The following PCDH12 variants were observed in gnomAD, a reference collection of about 807,000 sequenced individuals.
PCDH12 encodes the protein protocadherin 12, also known as protocadherin-12.
A neutral mutation model predicts 70.9 loss-of-function variants in PCDH12; 45 were observed. The observed-to-expected ratio is 0.63, with a 90% confidence interval of 0.50 to 0.81. The LOEUF (loss-of-function observed/expected upper bound fraction) is 0.81, where lower values mean the gene tolerates loss of function less well. PCDH12 is among the 40% of genes least tolerant of loss of function. PCDH12 has a pLI of 0.00. For synonymous variants in PCDH12, 567 were observed against 626.0 expected, an observed-to-expected ratio of 0.91 and a Z score of 1.41; for missense variants, 1,370 against 1,491.7, an observed-to-expected ratio of 0.92 and a Z score of 1.34.
rs367840034 is a variant in PCDH12 at position 141,956,427 on chromosome 5, G to T, written c.1425C>A (p.Pro475=). 2 of 1,614,248 alleles carry T rather than the reference G, an allele frequency of 1.2e-6. No individual in the cohort carries two copies. Among genetic ancestry groups the T allele is most frequent in the Admixed American group, 1.7e-5 (1 of 60,032 alleles). Reference sequence around the variant, plus strand: ...CCTTGATGGTAATGAGGTGAAGAGAGGGTAAGTTGTTTTCCCGCGTGGAGA... The same window carrying T: ...CCTTGATGGTAATGAGGTGAAGAGATGGTAAGTTGTTTTCCCGCGTGGAGA... The part of the protein sequence containing the change: ...YEVSTRENNL[P]SLHLITIKAH... Residue 475 remains proline (P), a synonymous_variant, in exon 1 of 4, where the codon CCC becomes CCA. Transcript: ENST00000231484.
At chr5:141,945,901 A>C (rs1259194786) in intron 3 of PCDH12, 96 bp from the exon 4 acceptor site, 2 of 1,130,096 alleles carry the variant, frequency 1.8e-6, no homozygotes, top group Non-Finnish European at 2.6e-6. Flanking sequence ...CAGTGGACAA[A>C]GGAGGGAAGG....
In PCDH12 at chr5:141,956,786, A is replaced by G. The variant is rs748294504; in HGVS notation, c.1066T>C (p.Trp356Arg). Residue 356 changes from tryptophan to arginine, a missense_variant, in exon 1 of 4, where the codon TGG becomes CGG. Transcript: ENST00000231484. Reference protein sequence around the residue: ...NDNIPSIHVTWASQPSLVSEA... With the variant: ...NDNIPSIHVTRASQPSLVSEA... ...GACACCAGTGATGGCTGGGAGGCCC[A>G]TGTGACGTGGATGCTTGGGATGTTG... 22 of 1,614,156 alleles carry G rather than the reference A, an allele frequency of 1.4e-5. No homozygotes were observed. The Admixed American group carries it at 3.2e-4, about 23-fold the overall frequency.
In PCDH12 at chr5:141,945,604, G is replaced by A. The variant is rs763342132; in HGVS notation, c.3332C>T (p.Ser1111Leu). The change falls in exon 4 of 4, where the codon TCG becomes TTG. Residue 1111 changes from serine (S) to leucine (L), a missense_variant. Ser to Leu is a moderately radical substitution (Grantham distance 145). Transcript: ENST00000231484. ...TGTRLASTFV[S>L]EMSSLLEMLL... ...CATCTCCAGCAGTGAGCTCATCTCCGAGACAAAGGTGCTGGCCAGCCTCGT... is the reference window on the plus strand; with the variant it reads ...CATCTCCAGCAGTGAGCTCATCTCCAAGACAAAGGTGCTGGCCAGCCTCGT... 41 of 1,614,098 alleles carry A rather than the reference G, an allele frequency of 2.5e-5. No individual in the cohort carries two copies. The highest frequency in any genetic ancestry group is 2.2e-4 in the East Asian group (10 of 44,898).
At position 141,944,050 on chromosome 5, in the gene PCDH12, CA is replaced by C. The variant is rs1308025883; in HGVS notation, c.*1330del. The C allele has an allele frequency of 1.3e-5, 2 of 152,028 alleles. No individual in the cohort carries two copies. Among genetic ancestry groups the C allele is most frequent in the Non-Finnish European group, 2.9e-5 (2 of 68,024 alleles). 9.4% of individuals were successfully genotyped at this position (152,028 alleles called of 1,614,324 possible). A position where few individuals can be genotyped will look rare whatever the true frequency, so the allele number is the denominator to read the frequency against. On this transcript the variant is annotated 3_prime_UTR_variant, in exon 4 of 4. Transcript: ENST00000231484. Reference sequence around the variant, plus strand: ...TTGCCTGCAGTGTCCAGGAGAGACCCACACTATTTAGAAGCTAGCTGATTGG... The same window carrying C: ...TTGCCTGCAGTGTCCAGGAGAGACCCCACTATTTAGAAGCTAGCTGATTGG...
Position 141,945,515 on chromosome 5 carries a change from C to A in PCDH12, c.3421G>T (p.Val1141Phe), listed in dbSNP as rs755118490. Residue 1141 changes from valine to phenylalanine, a missense_variant, in exon 4 of 4, where the codon GTC (valine) becomes TTC (phenylalanine). Physicochemically the swap from Val to Phe is conservative, Grantham distance 50. Transcript: ENST00000231484. Reference protein sequence around the residue: ...AASEALRRLSVCGRTLSLDLA... With the variant: ...AASEALRRLSFCGRTLSLDLA... ...TCTAAACTGAGGGTCCTCCCGCAGA[C>A]CGAGAGCCGCCGCAGCGCCTCGGAG... is the stretch of plus-strand genomic sequence containing the variant. 1.2e-6 allele frequency: 2 copies of A among 1,613,654 alleles called. 1 individual carries two copies. Among genetic ancestry groups the A allele is most frequent in the South Asian group, 2.2e-5 (2 of 91,068 alleles).
Position 141,945,173 on chromosome 5 carries a change from C to T in PCDH12, c.*208G>A. 3.1e-6 allele frequency: 2 copies of T among 650,966 alleles called. No individual in the cohort carries two copies. The highest frequency in any genetic ancestry group is 5.4e-6 in the Non-Finnish European group (2 of 372,232). The allele number at this position is 650,966 out of a possible 1,614,324, so 40.3% of individuals were successfully genotyped here. ...CTCAGCCACAAACCGTCCCTGTCCT[C>T]CAAAAGACTCAGAGCTGCTTACAAG... On this transcript the variant is annotated 3_prime_UTR_variant, in exon 4 of 4. Transcript: ENST00000231484.
rs781208573 is a variant in PCDH12, at chr5:141,945,669, C to T, written c.3267G>A (p.Thr1089=). The T allele has an allele frequency of 8.1e-6, 13 of 1,614,204 alleles. No homozygotes were observed. Among genetic ancestry groups the T allele is most frequent in the East Asian group, 2.2e-5 (1 of 44,878 alleles). The change falls in exon 4 of 4, where the codon ACG becomes ACA. Residue 1089 remains threonine, a synonymous_variant. Transcript: ENST00000231484. ...AATEEPRTFQ[T]FGKAEAPELS... is the part of the protein sequence containing the mutation. ...GCTCTGGTGCCTCTGCCTTGCCGAA[C>T]GTCTGGAAGGTCCTTGGCTCCTCCG...
intron 3 of PCDH12, among the ~76,000 whole-genome samples, chr5:141,948,864 G>GC (rs983232981): frequency 2.2e-4 from 33 of 152,144 alleles, no homozygotes; most frequent in African/African-American, 7.7e-4. Flanking sequence ...CCAGTGCCTG[G>GC]CATGTTCACT....
In PCDH12 at chr5:141,955,038, C is replaced by T. The variant is rs372052882; in HGVS notation, c.2814G>A (p.Leu938=). The T allele has an allele frequency of 5.6e-6, 9 of 1,614,148 alleles. No individual in the cohort carries two copies. The African/African-American group carries it at 1.2e-4, about 22-fold the overall frequency. Reference sequence around the variant, plus strand: ...TCCGCTCGGCGAAGGCAGCCACAGACAGCCGGACCAGGCTCCGCAGGATCT... The same window carrying T: ...TCCGCTCGGCGAAGGCAGCCACAGATAGCCGGACCAGGCTCCGCAGGATCT... ...PRQILRSLVR[L]SVAAFAERNP... The change falls in exon 1 of 4, where the codon CTG becomes CTA. Residue 938 remains leucine (L), a synonymous_variant. Coordinates refer to ENST00000231484, the MANE Select transcript of PCDH12 (RefSeq NM_016580.4). This position sits in a 1 kb window ranked among gnomAD's most constrained non-coding sequence, Gnocchi z 5.5.
chr5:141,954,071 G>A (rs1249865512), intron 1 of PCDH12, among the ~76,000 whole-genome samples: 3 of 152,132 alleles, frequency 2.0e-5, no homozygotes, highest in African/African-American at 7.2e-5. Context: ...ACACTCTAAG[G>A]AGGCAGACAC....
chr5:141,949,607 A>G, intron 2 of PCDH12, 24 bp from the exon 3 acceptor site: 1 of 1,610,372 alleles, frequency 6.2e-7, no homozygotes, highest in Non-Finnish European at 8.5e-7. Flanking sequence ...CAACCAGTCC[A>G]TGGGTAGGGA....
At position 141,957,172 on chromosome 5, in the gene PCDH12, G is replaced by T; in HGVS notation, c.680C>A (p.Thr227Asn). 1.2e-6 allele frequency: 2 copies of T among 1,614,164 alleles called. No homozygotes were observed. The highest frequency in any genetic ancestry group is 2.2e-5 in the South Asian group (2 of 91,080). ...YDNGNPPKSGTSLVKVNVLDS... is the reference protein window; with the variant it reads ...YDNGNPPKSGNSLVKVNVLDS... Reference sequence around the variant, plus strand: ...CAAGACGTTGACCTTGACCAAGCTGGTACCTGACTTGGGGGGGTTCCCATT... The same window carrying T: ...CAAGACGTTGACCTTGACCAAGCTGTTACCTGACTTGGGGGGGTTCCCATT... The change falls in exon 1 of 4, where the codon ACC (threonine) becomes AAC (asparagine). Residue 227 changes from threonine (T) to asparagine (N), a missense_variant. By Grantham distance (65) the Thr-to-Asn change is moderately conservative. Coordinates refer to ENST00000231484, the MANE Select transcript of PCDH12 (RefSeq NM_016580.4). This position sits in a 1 kb window ranked among gnomAD's most constrained non-coding sequence, Gnocchi z 4.3.
intron 2 of PCDH12, 23 bp downstream of exon 2, chr5:141,951,470 T>C (rs756602372): frequency 5.7e-6 from 9 of 1,590,404 alleles, no homozygotes; most frequent in Non-Finnish European, 7.8e-6. Context: ...TTGAGATGCC[T>C]GTGGGGGCTA....
intron 1 of PCDH12, chr5:141,952,289 G>A (rs745363456): frequency 6.6e-6 from 1 of 152,280 alleles, no homozygotes; most frequent in African/African-American, 2.4e-5. Flanking sequence ...GGGGCTCTGT[G>A]GGAGCAGAGG....
At chr5:141,947,412 CAGA>C (rs1203199391) in intron 3 of PCDH12, among the ~76,000 whole-genome samples, 1 of 152,160 alleles carries the variant, frequency 6.6e-6, no homozygotes, top group African/African-American at 2.4e-5. Flanking sequence ...CAGAGAGCTT[CAGA>C]AGGAGTGAAG....
Position 141,955,637 on chromosome 5 carries a change from T to G in PCDH12, c.2215A>C (p.Ile739Leu). Residue 739 changes from isoleucine to leucine, a missense_variant, in exon 1 of 4, where the codon ATC becomes CTC. Coordinates refer to ENST00000231484, the MANE Select transcript of PCDH12 (RefSeq NM_016580.4). The surrounding 1 kb of genome is among the most constrained non-coding windows in gnomAD (Gnocchi z 5.5). ...TTGTCCTTCTTTTCTGTCCGGCAGA[T>G]GGACATGAACAAAGCCAGGATCAAC... ...FGLILALFMS[I>L]CRTEKKDNRA... The G allele has an allele frequency of 6.2e-7, 1 of 1,614,134 alleles. No individual in the cohort carries two copies. The highest frequency in any genetic ancestry group is 8.5e-7 in the Non-Finnish European group (1 of 1,180,024).
At position 141,955,573 on chromosome 5, in the gene PCDH12, C is replaced by G. The variant is rs139572685; in HGVS notation, c.2279G>C (p.Arg760Pro). ...TTTCTGGGGCCTCTTGGGCTGCTGG[C>G]GGTAGGTGGACTCGGCCTCCCGACA... is the stretch of plus-strand genomic sequence containing the variant. ...YNCREAESTY[R>P]QQPKRPQKHI... is the part of the protein sequence containing the mutation. The change falls in exon 1 of 4, where the codon CGC becomes CCC. Residue 760 changes from arginine (R) to proline (P), a missense_variant. Physicochemically the swap from Arg to Pro is moderately radical, Grantham distance 103 (BLOSUM62 -2). Coordinates refer to ENST00000231484, the MANE Select transcript of PCDH12 (RefSeq NM_016580.4). This position sits in a 1 kb window ranked among gnomAD's most constrained non-coding sequence, Gnocchi z 5.5. The G allele has an allele frequency of 1.3e-5, 21 of 1,614,048 alleles. No homozygotes were observed. The highest frequency in any genetic ancestry group is 1.8e-5 in the Non-Finnish European group (21 of 1,180,032).
chr5:141,954,983 G>A lies in PCDH12; in HGVS notation c.2869C>T (p.Pro957Ser). 6.2e-7 allele frequency: 1 copy of A among 1,612,060 alleles called. No individual in the cohort carries two copies. The highest frequency in any genetic ancestry group is 8.5e-7 in the Non-Finnish European group (1 of 1,178,572). The change falls in exon 1 of 4, where the codon CCT (proline) becomes TCT (serine). Residue 957 changes from proline (P) to serine (S), a missense_variant. Physicochemically the swap from Pro to Ser is moderately conservative, Grantham distance 74. Transcript: ENST00000231484. ...CATGCCCCAGGTACCTGAACAGGAG[G>A]AGAATCCACAGTGAGCTCCTCCACG... ...NPVEELTVDS[P>S]PVQQISQLLS...
intron 2 of PCDH12, among the ~76,000 whole-genome samples, chr5:141,950,477 A>G (rs1753056944): frequency 6.6e-6 from 1 of 152,200 alleles, no homozygotes; most frequent in African/African-American, 2.4e-5. Flanking sequence ...AGGTCCATGC[A>G]CCGTCTTATT....
Sources: gnomAD v4.1 joint callset for allele counts (sites outside exome capture counted in the v4.1 genomes callset) on GRCh38, gnomAD v4.1.1 for gene constraint, Gnocchi (gnomAD v3.1) non-coding constraint, MANE v1.5 for transcripts, NCBI Gene and HGNC (gene_info 2026-07-23, HGNC 2026-07-21) for gene names.